Variants in DTX2 observed in about 807,000 individuals in gnomAD.
DTX2 encodes deltex E3 ubiquitin ligase 2.
In DTX2, 29 loss-of-function variants were observed where a neutral mutation model predicts 55.3. That is an observed-to-expected ratio of 0.52 (90% CI 0.39 to 0.71). The LOEUF (loss-of-function observed/expected upper bound fraction) is 0.71, where lower values mean the gene tolerates loss of function less well. Ranked by LOEUF, DTX2 falls within the 30% of genes least tolerant of loss-of-function variation. The pLI is 0.00. For synonymous variants in DTX2, 276 were observed against 340.4 expected (o/e 0.81, Z 2.08); for missense variants, 537 against 822.5 (o/e 0.65, Z 4.25).
At chr7:76,504,684 C>T (rs1812147436) in intron 10 of DTX2, among the ~76,000 whole-genome samples, 1 of 152,216 alleles carries the variant, frequency 6.6e-6, no homozygotes, top group Non-Finnish European at 1.5e-5. Context: ...GGGTCAGGAG[C>T]TCCTGAGAGT....
At chr7:76,483,232 G>A (rs769359297) in intron 4 of DTX2, 85 bp downstream of exon 4, 887 of 1,483,268 alleles carry the variant, frequency 6.0e-4, no homozygotes, top group Non-Finnish European at 7.5e-4. Flanking sequence ...CTGCAGATGC[G>A]GCTCCTGCCC....
chr7:76,470,086 C>T (rs1010031835), intron 2 of DTX2: 1 of 402,194 alleles, frequency 2.5e-6, no homozygotes, highest in African/African-American at 2.2e-5. Flanking sequence ...CCCTTGCAGT[C>T]TCTAGGTCAC....
intron 2 of DTX2, among the ~76,000 whole-genome samples, chr7:76,467,087 GGCA>G (rs1807267029): frequency 6.6e-6 from 1 of 151,786 alleles, no homozygotes; most frequent in East Asian, 1.9e-4. Flanking sequence ...TTTGTGCAGA[GGCA>G]GCTTCACTGT....
Position 76,505,460 on chromosome 7 carries a change from G to A in DTX2, c.1728G>A (p.Val576=). 3.1e-6 allele frequency: 5 copies of A among 1,607,282 alleles called. No individual in the cohort carries two copies. The highest frequency in any genetic ancestry group is 4.2e-6 in the Non-Finnish European group (5 of 1,177,096). ...GCACCACGGGTGAGACGGACACCGT[G>A]GTATGGAACGAGATCCACCACAAGA... The part of the protein sequence containing the change: ...TSSTTGETDT[V]VWNEIHHKTE... Residue 576 remains valine (V), a synonymous_variant, in exon 11 of 11, where the codon GTG becomes GTA. Transcript: ENST00000430490. This position sits in a 1 kb window ranked among gnomAD's most constrained non-coding sequence, Gnocchi z 4.4.
intron 3 of DTX2, among the ~76,000 whole-genome samples, chr7:76,481,274 C>T (rs1809181161): frequency 6.6e-6 from 1 of 152,014 alleles, no homozygotes; most frequent in East Asian, 1.9e-4. Flanking sequence ...GCAACCCCTG[C>T]CTCCTGGGTT....
At chr7:76,471,218 G>A (rs540266116) in intron 2 of DTX2, among the ~76,000 whole-genome samples, 1 of 134,058 alleles carries the variant, frequency 7.5e-6, no homozygotes, top group South Asian at 2.7e-4. Context: ...CTGGAGTGCA[G>A]TGGCGCGATC....
At position 76,502,363 on chromosome 7, in the gene DTX2, G is replaced by A. The variant is rs1212625310; in HGVS notation, c.1296G>A (p.Lys432=). The stretch of plus-strand genomic sequence containing the variant: ...GATACAGCGATGTGACTGACAGCAA[G>A]GCAATCGGGTCCCTAGCTGTGGGCC... The part of the protein sequence containing the change: ...ASGYSDVTDS[K]AIGSLAVGHL... Residue 432 remains lysine, a synonymous_variant, in exon 8 of 11, where the codon AAG becomes AAA. Coordinates refer to ENST00000430490, the MANE Select transcript of DTX2 (RefSeq NM_001102594.3). The A allele has an allele frequency of 2.5e-6, 4 of 1,612,246 alleles. No homozygotes were observed. Among genetic ancestry groups the A allele is most frequent in the Non-Finnish European group, 3.4e-6 (4 of 1,179,828 alleles).
rs576853919 is a variant in DTX2, at chr7:76,496,028, A to G, written c.1010-1309A>G. 1.4e-4 allele frequency among the ~76,000 whole-genome samples: 14 copies of G among 97,662 alleles called. 1 individual carries two copies. Among genetic ancestry groups the G allele is most frequent in the Non-Finnish European group, 2.1e-4 (10 of 47,750 alleles). 64.1% of individuals were successfully genotyped at this position (97,662 alleles called of 152,430 possible). ...TCTCCACCCGACATTCAGTTCCCACAGGAACCGCATTTGAGCCCAGGAACA... is the reference window on the plus strand; with the variant it reads ...TCTCCACCCGACATTCAGTTCCCACGGGAACCGCATTTGAGCCCAGGAACA... On this transcript the variant is annotated intron_variant, in intron 5 of 10. Coordinates refer to ENST00000430490, the MANE Select transcript of DTX2 (RefSeq NM_001102594.3).
chr7:76,505,303 C>T lies in DTX2; in HGVS notation c.1642-71C>T, dbSNP rs985863930. On this transcript the variant is annotated intron_variant, in intron 10 of 10. Transcript: ENST00000430490. This position sits in a 1 kb window ranked among gnomAD's most constrained non-coding sequence, Gnocchi z 4.4. ...GGATGGGAAGAACATGGTGCCAACCCGTGCCTGCTCACTGAGCCCCTCTCA... is the reference window on the plus strand; with the variant it reads ...GGATGGGAAGAACATGGTGCCAACCTGTGCCTGCTCACTGAGCCCCTCTCA... 569 of 1,295,112 alleles carry T rather than the reference C, an allele frequency of 4.4e-4. 2 individuals carry two copies. Among genetic ancestry groups the T allele is most frequent in the Middle Eastern group, 1.9e-4 (1 of 5,338 alleles). 80.2% of individuals were successfully genotyped at this position (1,295,112 alleles called of 1,614,324 possible). A position where few individuals can be genotyped will look rare whatever the true frequency, so the allele number is the denominator to read the frequency against.
At chr7:76,478,119 G>T in intron 2 of DTX2, 1 of 145,566 alleles carries the variant, frequency 6.9e-6, no homozygotes, top group East Asian at 2.0e-4. Context: ...GGCCAGTAGG[G>T]CCCCCACTGA....
At chr7:76,501,210 G>T in intron 7 of DTX2, 1 of 444,812 alleles carries the variant, frequency 2.2e-6, no homozygotes, top group Non-Finnish European at 4.5e-6. Context: ...ACTTGGGGGC[G>T]GGTGGAAGGC....
chr7:76,473,198 T>C (rs1808149219), intron 2 of DTX2, among the ~76,000 whole-genome samples: 1 of 151,980 alleles, frequency 6.6e-6, no homozygotes, highest in South Asian at 2.1e-4. Flanking sequence ...GATATGTTTG[T>C]GTCAGGATTT....
chr7:76,488,441 C>T lies in DTX2; in HGVS notation c.909-3712C>T, dbSNP rs1810108938. Among the ~76,000 whole-genome samples, 6 of 59,696 alleles carry T rather than the reference C, an allele frequency of 1.0e-4. 1 individual carries two copies. The South Asian group carries it at 4.3e-3, about 43-fold the overall frequency. The allele number at this position is 59,696 out of a possible 152,430, so 39.2% of individuals were successfully genotyped here. A position where few individuals can be genotyped will look rare whatever the true frequency, so the allele number is the denominator to read the frequency against. On this transcript the variant is annotated intron_variant, in intron 4 of 10. Coordinates refer to ENST00000430490, the MANE Select transcript of DTX2 (RefSeq NM_001102594.3). The stretch of plus-strand genomic sequence containing the variant: ...TGGGCCAGTGCTGCCTAGTCTGCTG[C>T]ATAGCCCATTTGTTTTGTAGACTTG...
intron 2 of DTX2, chr7:76,477,026 C>T (rs1293688171): frequency 1.3e-5 from 2 of 151,768 alleles, no homozygotes; most frequent in East Asian, 1.9e-4. Flanking sequence ...ATGATGGAGG[C>T]GGCCGTGGCT....
At chr7:76,499,878 TAGG>T (rs2116582991) in intron 6 of DTX2, 1 of 288,102 alleles carries the variant, frequency 3.5e-6, no homozygotes, top group African/African-American at 2.3e-5. Context: ...TCGCTGGACT[TAGG>T]AGCTAGTCTG....
chr7:76,474,206 TTTTC>T (rs1248936949), intron 2 of DTX2, among the ~76,000 whole-genome samples: 1 of 133,936 alleles, frequency 7.5e-6, no homozygotes, highest in South Asian at 2.5e-4. Context: ...TTTCTTTTTC[TTTTC>T]TTTCTTTCTT....
chr7:76,499,628 G>T (rs113540239), intron 6 of DTX2, among the ~76,000 whole-genome samples: 2 of 146,896 alleles, frequency 1.4e-5, no homozygotes, highest in African/African-American at 5.0e-5. Flanking sequence ...TTTCACCCCC[G>T]CACGGGCTTG....
At chr7:76,501,211 G>T (rs1371772992) in intron 7 of DTX2, 6 of 445,386 alleles carry the variant, frequency 1.3e-5, no homozygotes, top group South Asian at 6.4e-5. Context: ...CTTGGGGGCG[G>T]GTGGAAGGCC....
intron 2 of DTX2, among the ~76,000 whole-genome samples, chr7:76,475,226 A>G (rs1623251): frequency 0.94 from 142,615 of 151,554 alleles, 67,214 homozygotes; most frequent in East Asian, 1. Flanking sequence ...CAGAAGAATC[A>G]CTTGAACCCG....
Sources: allele counts gnomAD v4.1 joint callset (sites outside exome capture counted in the v4.1 genomes callset), GRCh38; gene constraint gnomAD v4.1.1; non-coding constraint Gnocchi (gnomAD v3.1); transcripts MANE v1.5; gene names NCBI Gene and HGNC (gene_info 2026-07-23, HGNC 2026-07-21).